Variants in ZNF628 observed in about 807,000 individuals in gnomAD.
ZNF628 encodes the protein zinc finger protein Zec.
A neutral mutation model predicts 2.5 loss-of-function variants in ZNF628; 3 were observed. That is an observed-to-expected ratio of 1.19 (90% confidence interval 0.54 to 3.07). The LOEUF (loss-of-function observed/expected upper bound fraction) is 3.07, where lower values mean the gene tolerates loss of function less well. Among genes scored for constraint, ZNF628 ranks in the 30% most tolerant of loss-of-function variants. The probability of loss-of-function intolerance (pLI) is 0.03; values close to 1 mark genes in which losing one functional copy is unlikely to be tolerated. For synonymous variants in ZNF628, 861 were observed against 717.1 expected (o/e 1.20, Z -3.21); for missense variants, 1,610 against 1,517.1 (o/e 1.06, Z -1.02).
Position 55,484,485 on chromosome 19 carries a change from G to C in ZNF628, c.*112G>C. ...TGCTAATAAAGACCCGAGTCTCCCC[G>C]CCTGTGTTTTGTTTTCCTGGGGGGA... On this transcript the variant is annotated 3_prime_UTR_variant, in exon 3 of 3. Coordinates refer to ENST00000598519, the MANE Select transcript of ZNF628 (RefSeq NM_033113.3). 1.0e-6 allele frequency: 1 copy of C among 993,942 alleles called. No homozygotes were observed. Among genetic ancestry groups the C allele is most frequent in the South Asian group, 2.0e-5 (1 of 51,054 alleles). 61.6% of individuals were successfully genotyped at this position (993,942 alleles called of 1,614,324 possible).
In ZNF628 at chr19:55,482,572, G is replaced by T. The variant is rs757687047; in HGVS notation, c.1379G>T (p.Gly460Val). The change falls in exon 3 of 3, where the codon GGC becomes GTC. Residue 460 changes from glycine to valine, a missense_variant. This residue lies in a region of ZNF628 where 651 missense variants were observed against 575.6 expected (regional missense o/e 1.13). Transcript: ENST00000598519. ...AERPYKCAEC[G>V]KSFKGSSGLR... The stretch of plus-strand genomic sequence containing the variant: ...CGGCCCTACAAATGTGCCGAGTGCG[G>T]CAAGTCCTTCAAGGGCTCCTCCGGG... 8.8e-6 allele frequency: 14 copies of T among 1,596,472 alleles called. No homozygotes were observed. The East Asian group carries it at 2.9e-4, about 33-fold the overall frequency.
Position 55,483,879 on chromosome 19 carries a change from G to T in ZNF628, c.2686G>T (p.Ala896Ser), listed in dbSNP as rs1394953511. 6.2e-7 allele frequency: 1 copy of T among 1,607,064 alleles called. No individual in the cohort carries two copies. The highest frequency in any genetic ancestry group is 8.5e-7 in the Non-Finnish European group (1 of 1,176,246). ...APNLLVVQSG[A>S]AEELLTGPGP... ...CAACCTGCTGGTTGTTCAGAGCGGGGCAGCTGAGGAGTTGCTCACTGGCCC... is the reference window on the plus strand; with the variant it reads ...CAACCTGCTGGTTGTTCAGAGCGGGTCAGCTGAGGAGTTGCTCACTGGCCC... Residue 896 changes from alanine to serine, a missense_variant, in exon 3 of 3, where the codon GCA becomes TCA. Ala to Ser is a moderately conservative substitution (Grantham distance 99). Coordinates refer to ENST00000598519, the MANE Select transcript of ZNF628 (RefSeq NM_033113.3).
In ZNF628 at chr19:55,481,277, G is replaced by A; in HGVS notation, c.84G>A (p.Ala28=). 3.1e-6 allele frequency: 5 copies of A among 1,598,352 alleles called. No homozygotes were observed. Among genetic ancestry groups the A allele is most frequent in the South Asian group, 1.1e-5 (1 of 89,618 alleles). The part of the protein sequence containing the change: ...AEGAGEKPGP[A]APAPAAQYEC... ...GGGCCGGGGAGAAGCCAGGCCCTGC[G>A]GCCCCTGCCCCGGCGGCCCAGTACG... The change falls in exon 3 of 3, where the codon GCG becomes GCA. Residue 28 remains alanine (A), a synonymous_variant. Transcript: ENST00000598519.
At chr19:55,477,368 T>G (rs1022705473) in intron 1 of ZNF628, among the ~76,000 whole-genome samples, 23 of 152,036 alleles carry the variant, frequency 1.5e-4, no homozygotes, top group Non-Finnish European at 3.2e-4. Flanking sequence ...TTTTTTTTTT[T>G]TTTTTTTCTG....
In ZNF628 at chr19:55,483,280, C is replaced by T. The variant is rs756861789; in HGVS notation, c.2087C>T (p.Thr696Met). The change falls in exon 3 of 3, where the codon ACG becomes ATG. Residue 696 changes from threonine (T) to methionine (M), a missense_variant. Physicochemically the swap from Thr to Met is moderately conservative, Grantham distance 81 (BLOSUM62 -1). Coordinates refer to ENST00000598519, the MANE Select transcript of ZNF628 (RefSeq NM_033113.3). ...CTCTCCCTCGAGGTGGCGGGGGGCACGGCCCAGGCCCCGAGCTTGGGGCCA... is the reference window on the plus strand; with the variant it reads ...CTCTCCCTCGAGGTGGCGGGGGGCATGGCCCAGGCCCCGAGCTTGGGGCCA... Reference protein sequence around the residue: ...ATLSLEVAGGTAQAPSLGPAA... With the variant: ...ATLSLEVAGGMAQAPSLGPAA... 2.3e-5 allele frequency: 35 copies of T among 1,516,242 alleles called. No homozygotes were observed. The South Asian group carries it at 3.9e-4, about 17-fold the overall frequency. The allele number at this position is 1,516,242 out of a possible 1,614,324, so 93.9% of individuals were successfully genotyped here. A position where few individuals can be genotyped will look rare whatever the true frequency, so the allele number is the denominator to read the frequency against.
chr19:55,483,385 C>A lies in ZNF628; in HGVS notation c.2192C>A (p.Pro731His). 6.5e-7 allele frequency: 1 copy of A among 1,541,048 alleles called. No homozygotes were observed. The highest frequency in any genetic ancestry group is 8.7e-7 in the Non-Finnish European group (1 of 1,145,362). Residue 731 changes from proline to histidine, a missense_variant, in exon 3 of 3, where the codon CCT (proline) becomes CAT (histidine). Pro to His is a moderately conservative substitution (Grantham distance 77, BLOSUM62 -2). Around this residue, in one of 5 missense-constraint regions of ZNF628, gnomAD observed 712 missense variants for 603.6 expected, o/e 1.18. Coordinates refer to ENST00000598519, the MANE Select transcript of ZNF628 (RefSeq NM_033113.3). ...CTGATCCCCAGCAGCGTGCAGCCCC[C>A]TACACCTCCGCCCCCTCCCGCACCT... Reference protein sequence around the residue: ...LQLIPSSVQPPTPPPPPAPPK... With the variant: ...LQLIPSSVQPHTPPPPPAPPK...
Position 55,482,239 on chromosome 19 carries a change from C to A in ZNF628, c.1046C>A (p.Ala349Asp). The A allele has an allele frequency of 6.9e-7, 1 of 1,444,350 alleles. No individual in the cohort carries two copies. The allele number at this position is 1,444,350 out of a possible 1,614,324, so 89.5% of individuals were successfully genotyped here. A position where few individuals can be genotyped will look rare whatever the true frequency, so the allele number is the denominator to read the frequency against. Residue 349 changes from alanine (A) to aspartate (D), a missense_variant, in exon 3 of 3, where the codon GCC becomes GAC. Coordinates refer to ENST00000598519, the MANE Select transcript of ZNF628 (RefSeq NM_033113.3). ...CCTCTGCCGCAGCCCCCTCCTCCCG[C>A]CGCCGCCCCCGCGCCTGGCTTTGCC... is the stretch of plus-strand genomic sequence containing the variant. Reference protein sequence around the residue: ...PSPLPQPPPPAAAPAPGFACL... With the variant: ...PSPLPQPPPPDAAPAPGFACL...
In ZNF628 at chr19:55,483,256, T is replaced by C; in HGVS notation, c.2063T>C (p.Leu688Pro). The C allele has an allele frequency of 6.5e-7, 1 of 1,530,480 alleles. No homozygotes were observed. The highest frequency in any genetic ancestry group is 8.7e-7 in the Non-Finnish European group (1 of 1,143,222). The allele number at this position is 1,530,480 out of a possible 1,614,324, so 94.8% of individuals were successfully genotyped here. ...VHVLPHLQATLSLEVAGGTAQ... is the reference protein window; with the variant it reads ...VHVLPHLQATPSLEVAGGTAQ... The stretch of plus-strand genomic sequence containing the variant: ...GTCCTGCCCCACCTCCAGGCCACGC[T>C]CTCCCTCGAGGTGGCGGGGGGCACG... The change falls in exon 3 of 3, where the codon CTC becomes CCC. Residue 688 changes from leucine to proline, a missense_variant. This residue lies in a region of ZNF628 where 712 missense variants were observed against 603.6 expected (regional missense o/e 1.18). Coordinates refer to ENST00000598519, the MANE Select transcript of ZNF628 (RefSeq NM_033113.3).
chr19:55,481,211 C>G lies in ZNF628; in HGVS notation c.18C>G (p.Val6=). The G allele has an allele frequency of 6.5e-7, 1 of 1,545,216 alleles. No individual in the cohort carries two copies. The highest frequency in any genetic ancestry group is 8.7e-7 in the Non-Finnish European group (1 of 1,148,692). ...GAATCCCTCCCCCAGGTGTGATGGT[C>G]GGCTCCCACGCGGACATGGCGCCGG... MSGVM[V]GSHADMAPAS... The change falls in exon 3 of 3, where the codon GTC becomes GTG. Residue 6 remains valine, a synonymous_variant. Coordinates refer to ENST00000598519, the MANE Select transcript of ZNF628 (RefSeq NM_033113.3).
At position 55,481,463 on chromosome 19, in the gene ZNF628, G is replaced by T; in HGVS notation, c.270G>T (p.Arg90=). 1 of 1,612,754 alleles carries T rather than the reference G, an allele frequency of 6.2e-7. No homozygotes were observed. Among genetic ancestry groups the T allele is most frequent in the Non-Finnish European group, 8.5e-7 (1 of 1,179,656 alleles). The change falls in exon 3 of 3, where the codon CGG becomes CGT. Residue 90 remains arginine, a synonymous_variant. Transcript: ENST00000598519. ...LYHQRGHTGE[R]PYQCPDCPKA... ...ACCAGCGAGGCCACACGGGCGAGCG[G>T]CCCTACCAGTGCCCCGACTGTCCCA...
In ZNF628 at chr19:55,483,114, C is replaced by G. The variant is rs1369250872; in HGVS notation, c.1921C>G (p.Leu641Val). ...FVMAAYLQRH[L>V]RTHAPANTPP... ...TATGGCCGCCTATCTGCAGCGGCAC[C>G]TGAGGACGCACGCCCCGGCCAACAC... is the stretch of plus-strand genomic sequence containing the variant. Residue 641 changes from leucine to valine, a missense_variant, in exon 3 of 3, where the codon CTG becomes GTG. By Grantham distance (32) the Leu-to-Val change is conservative. Around this residue, in one of 5 missense-constraint regions of ZNF628, gnomAD observed 712 missense variants for 603.6 expected, o/e 1.18. Transcript: ENST00000598519. 1.2e-6 allele frequency: 2 copies of G among 1,600,646 alleles called. No homozygotes were observed. The highest frequency in any genetic ancestry group is 2.2e-5 in the South Asian group (2 of 90,570).
In ZNF628 at chr19:55,481,852, T is replaced by C. The variant is rs1220463443; in HGVS notation, c.659T>C (p.Leu220Pro). 1.9e-6 allele frequency: 3 copies of C among 1,587,712 alleles called. No individual in the cohort carries two copies. In the South Asian group the frequency reaches 3.4e-5, roughly 18 times the overall value. ...ACCTTCACCCACTCCTCCAACCTGC[T>C]GCTGCACCAGCGCACGCACGGCGCC... ...PKTFTHSSNL[L>P]LHQRTHGAAP... Residue 220 changes from leucine (L) to proline (P), a missense_variant, in exon 3 of 3, where the codon CTG becomes CCG. Transcript: ENST00000598519.
At position 55,477,442 on chromosome 19, in the gene ZNF628, A is replaced by G. The variant is rs537204093; in HGVS notation, c.-78+635A>G. Reference sequence around the variant, plus strand: ...GTGGCGCGATCTAACCTGCTTACATATTAAAGGGTACACTTATCTTTTAAA... The same window carrying G: ...GTGGCGCGATCTAACCTGCTTACATGTTAAAGGGTACACTTATCTTTTAAA... On this transcript the variant is annotated intron_variant, in intron 1 of 2. Coordinates refer to ENST00000598519, the MANE Select transcript of ZNF628 (RefSeq NM_033113.3). 2.0e-5 allele frequency among the ~76,000 whole-genome samples: 3 copies of G among 150,288 alleles called. No individual in the cohort carries two copies. The East Asian group carries it at 6.0e-4, about 30-fold the overall frequency.
In ZNF628 at chr19:55,484,219, C is replaced by G; in HGVS notation, c.3026C>G (p.Ala1009Gly). The G allele has an allele frequency of 4.5e-6, 7 of 1,548,424 alleles. No individual in the cohort carries two copies. Among genetic ancestry groups the G allele is most frequent in the Non-Finnish European group, 6.1e-6 (7 of 1,146,434 alleles). The change falls in exon 3 of 3, where the codon GCC (alanine) becomes GGC (glycine). Residue 1009 changes from alanine (A) to glycine (G), a missense_variant. By Grantham distance (60) the Ala-to-Gly change is moderately conservative (BLOSUM62 0). Around this residue, in one of 5 missense-constraint regions of ZNF628, gnomAD observed 712 missense variants for 603.6 expected, o/e 1.18. Coordinates refer to ENST00000598519, the MANE Select transcript of ZNF628 (RefSeq NM_033113.3). Reference sequence around the variant, plus strand: ...CTGGCCCCACCGCCGTCAGGCCCAGCCTCGGGCCCCGCGGGGCTCCCCGGG... The same window carrying G: ...CTGGCCCCACCGCCGTCAGGCCCAGGCTCGGGCCCCGCGGGGCTCCCCGGG... ...QLLAPPPSGPASGPAGLPGAP... is the reference protein window; with the variant it reads ...QLLAPPPSGPGSGPAGLPGAP...
chr19:55,482,416 A>G lies in ZNF628; in HGVS notation c.1223A>G (p.His408Arg). ...AGCCTCCTGGCGCATCAGCAGTGCC[A>G]CGTGGAAGAGGCCGCGGCCGGGCGC... is the stretch of plus-strand genomic sequence containing the variant. ...LASLLAHQQCHVEEAAAGRPP... is the reference protein window; with the variant it reads ...LASLLAHQQCRVEEAAAGRPP... The change falls in exon 3 of 3, where the codon CAC becomes CGC. Residue 408 changes from histidine (H) to arginine (R), a missense_variant. This residue lies in a region of ZNF628 where 651 missense variants were observed against 575.6 expected (regional missense o/e 1.13). Transcript: ENST00000598519. 1 of 1,379,172 alleles carries G rather than the reference A, an allele frequency of 7.3e-7. No individual in the cohort carries two copies. The highest frequency in any genetic ancestry group is 9.3e-7 in the Non-Finnish European group (1 of 1,071,870). The allele number at this position is 1,379,172 out of a possible 1,614,324, so 85.4% of individuals were successfully genotyped here.
rs1163444708 is a variant in ZNF628, at chr19:55,479,805, T to G, written c.-77-29T>G. The G allele has an allele frequency of 2.5e-6, 1 of 397,918 alleles. No individual in the cohort carries two copies. Among genetic ancestry groups the G allele is most frequent in the Non-Finnish European group, 4.4e-6 (1 of 225,636 alleles). The allele number at this position is 397,918 out of a possible 1,614,324, so 24.6% of individuals were successfully genotyped here. ...GTATCGTGGTCAGAATGTGAGAAAC[T>G]TCGCGTCTGATTGCTTTTATTTTCA... On this transcript the variant is annotated intron_variant, in intron 1 of 2. Coordinates refer to ENST00000598519, the MANE Select transcript of ZNF628 (RefSeq NM_033113.3). This position sits in a 1 kb window ranked among gnomAD's most constrained non-coding sequence, Gnocchi z 5.1.
chr19:55,482,778 C>T lies in ZNF628; in HGVS notation c.1585C>T (p.Leu529=), dbSNP rs1426382104. ...GTGGTCGTCCCACTACCAGTACCAC[C>T]TGCGGCTGCACTCTGGCGAGCGGCC... ...FKWSSHYQYH[L]RLHSGERPYA... is the part of the protein sequence containing the mutation. The change falls in exon 3 of 3, where the codon CTG becomes TTG. Residue 529 remains leucine, a synonymous_variant. Transcript: ENST00000598519. 12 of 1,610,926 alleles carry T rather than the reference C, an allele frequency of 7.4e-6. No individual in the cohort carries two copies. The highest frequency in any genetic ancestry group is 6.6e-5 in the South Asian group (6 of 90,890).
rs1250058138 is a variant in ZNF628, at chr19:55,482,688, A to G, written c.1495A>G (p.Ile499Val). 6.2e-7 allele frequency: 1 copy of G among 1,609,920 alleles called. No homozygotes were observed. Among genetic ancestry groups the G allele is most frequent in the East Asian group, 2.2e-5 (1 of 44,628 alleles). ...CTTCAAGCGCTCCTCCCTGCTGGCCATCCACCAGCGGGTGCACACGGGCCT... is the reference window on the plus strand; with the variant it reads ...CTTCAAGCGCTCCTCCCTGCTGGCCGTCCACCAGCGGGTGCACACGGGCCT... ...KAFKRSSLLA[I>V]HQRVHTGLRA... is the part of the protein sequence containing the mutation. Residue 499 changes from isoleucine (I) to valine (V), a missense_variant, in exon 3 of 3, where the codon ATC (isoleucine) becomes GTC (valine). Around this residue, in one of 5 missense-constraint regions of ZNF628, gnomAD observed 651 missense variants for 575.6 expected, o/e 1.13. Transcript: ENST00000598519.
Position 55,483,640 on chromosome 19 carries a change from G to C in ZNF628, c.2447G>C (p.Ser816Thr), listed in dbSNP as rs751380394. 22 of 1,613,530 alleles carry C rather than the reference G, an allele frequency of 1.4e-5. No homozygotes were observed. Among genetic ancestry groups the C allele is most frequent in the Admixed American group, 3.3e-5 (2 of 59,982 alleles). Residue 816 changes from serine to threonine, a missense_variant, in exon 3 of 3, where the codon AGT becomes ACT. This residue lies in a region of ZNF628 where 712 missense variants were observed against 603.6 expected (regional missense o/e 1.18). Transcript: ENST00000598519. ...GGGEAGPQEM[S>T]GVQLQPLRPA... is the part of the protein sequence containing the mutation. ...GGGGAGGCAGGGCCACAGGAAATGA[G>C]TGGGGTGCAGCTCCAGCCCCTCCGA...
Sources: allele counts gnomAD v4.1 joint callset (sites outside exome capture counted in the v4.1 genomes callset), GRCh38; gene constraint gnomAD v4.1.1; regional missense constraint gnomAD v4.1.1; non-coding constraint Gnocchi (gnomAD v3.1); transcripts MANE v1.5; gene names NCBI Gene and HGNC (gene_info 2026-07-23, HGNC 2026-07-21).